Variants in NAALADL2 observed in about 807,000 individuals in gnomAD.
The protein encoded by NAALADL2 is inactive N-acetylated-alpha-linked acidic dipeptidase-like protein 2.
A neutral mutation model predicts 87.2 loss-of-function variants in NAALADL2; 76 were observed. The observed-to-expected ratio is 0.87, with a 90% CI of 0.72 to 1.05. The LOEUF is 1.05. Among genes scored for constraint, NAALADL2 ranks in the 50% least tolerant of loss-of-function variants. NAALADL2 has a pLI of 0.00. For synonymous variants in NAALADL2, 354 were observed against 331.0 expected (o/e 1.07, Z -0.75); for missense variants, 1,089 against 945.8 (o/e 1.15, Z -1.99).
intron 3 of NAALADL2, among the ~76,000 whole-genome samples, chr3:174,743,802 A>G (rs1394142863): frequency 2.0e-5 from 3 of 150,620 alleles, no homozygotes; most frequent in African/African-American, 7.3e-5. Flanking sequence ...AGTCTAAAGA[A>G]CATATTTTTT....
chr3:175,737,448 A>G, intron 12 of NAALADL2, 49 bp downstream of exon 12: 2 of 1,158,230 alleles, frequency 1.7e-6, no homozygotes, highest in Non-Finnish European at 2.6e-6. Flanking sequence ...AAATTGTTCA[A>G]CTAATTTTCA....
intron 9 of NAALADL2, among the ~76,000 whole-genome samples, chr3:175,504,620 T>A: frequency 8.2e-6 from 1 of 122,282 alleles, no homozygotes; most frequent in Non-Finnish European, 1.7e-5. Context: ...TCTCTCTCTC[T>A]CAGACACAGT....
At chr3:175,793,303 CTTTCT>C (rs1288510352) in intron 13 of NAALADL2, among the ~76,000 whole-genome samples, 65 of 126,260 alleles carry the variant, frequency 5.1e-4, no homozygotes, top group East Asian at 2.2e-4. Flanking sequence ...ACAGCATTTT[CTTTCT>C]TTTTTTTTTT....
intron 12 of NAALADL2, among the ~76,000 whole-genome samples, chr3:175,738,832 C>T (rs549253904): frequency 2.0e-5 from 3 of 152,134 alleles, no homozygotes; most frequent in Admixed American, 6.5e-5. Context: ...CTCTGGGCAA[C>T]CAAACATATG....
At chr3:174,987,355 G>A (rs1408605869) in intron 1 of NAALADL2, among the ~76,000 whole-genome samples, 1 of 151,288 alleles carries the variant, frequency 6.6e-6, no homozygotes, top group African/African-American at 2.4e-5. Flanking sequence ...GGATCACGAG[G>A]TCAGGAGATC....
chr3:174,543,136 A>T (rs1048139909), intron 1 of NAALADL2, among the ~76,000 whole-genome samples: 7 of 152,254 alleles, frequency 4.6e-5, no homozygotes, highest in South Asian at 4.1e-4. Flanking sequence ...AAGTTATTAG[A>T]TGTGAGAAGC....
chr3:174,470,019 A>C (rs961469316), intron 1 of NAALADL2, among the ~76,000 whole-genome samples: 4 of 152,152 alleles, frequency 2.6e-5, no homozygotes, highest in Admixed American at 6.5e-5. Flanking sequence ...TTAACACCGA[A>C]AAATTAAATT....
intron 5 of NAALADL2, among the ~76,000 whole-genome samples, chr3:175,383,959 C>T (rs888373841): frequency 6.6e-5 from 10 of 151,898 alleles, no homozygotes; most frequent in African/African-American, 2.2e-4. Context: ...AGATTTTTAC[C>T]GTGTGGTTCA....
At position 175,570,923 on chromosome 3, in the gene NAALADL2, T is replaced by C. The variant is rs144743297; in HGVS notation, c.1654-5118T>C. On this transcript the variant is annotated intron_variant, in intron 9 of 13. Transcript: ENST00000454872. ...AGTGACTTAATTTTATTATGGTGTA[T>C]TGAATATGGTATTTTTATTTTGAAT... is the stretch of plus-strand genomic sequence containing the variant. Among the ~76,000 whole-genome samples the C allele has an allele frequency of 3.2e-4, 49 of 151,842 alleles. 1 individual carries two copies. Among genetic ancestry groups the C allele is most frequent in the African/African-American group, 1.2e-3 (49 of 41,410 alleles).
intron 1 of NAALADL2, among the ~76,000 whole-genome samples, chr3:174,982,060 C>A (rs1258017610): frequency 6.6e-6 from 1 of 152,034 alleles, no homozygotes; most frequent in Non-Finnish European, 1.5e-5. Flanking sequence ...AAAATTTTGT[C>A]AATAGAAAGG....
At chr3:175,274,608 T>C (rs1581221445) in intron 4 of NAALADL2, among the ~76,000 whole-genome samples, 1 of 152,180 alleles carries the variant, frequency 6.6e-6, no homozygotes, top group East Asian at 1.9e-4. Flanking sequence ...TAGTGCTCAA[T>C]GGCTTGGGCT....
At chr3:175,270,185 A>G (rs1752607024) in intron 4 of NAALADL2, among the ~76,000 whole-genome samples, 1 of 152,130 alleles carries the variant, frequency 6.6e-6, no homozygotes, top group Non-Finnish European at 1.5e-5. Context: ...CATGCTTTCA[A>G]TTTGGACAAG....
chr3:174,812,939 A>G (rs1189283953), intron 3 of NAALADL2, among the ~76,000 whole-genome samples: 3 of 152,188 alleles, frequency 2.0e-5, no homozygotes, highest in African/African-American at 7.2e-5. Flanking sequence ...AAGACATTAA[A>G]AAGTTTATAA....
At chr3:174,648,708 T>A (rs1208039705) in intron 2 of NAALADL2, among the ~76,000 whole-genome samples, 2 of 152,206 alleles carry the variant, frequency 1.3e-5, no homozygotes, top group Non-Finnish European at 2.9e-5. Context: ...TATTTTTTAT[T>A]ACTTGATGCC....
At chr3:175,593,274 C>G (rs967246264) in intron 10 of NAALADL2, among the ~76,000 whole-genome samples, 8 of 152,064 alleles carry the variant, frequency 5.3e-5, no homozygotes, top group African/African-American at 1.9e-4. Context: ...CCTTTTAACA[C>G]AAGTATTTTC....
intron 1 of NAALADL2, among the ~76,000 whole-genome samples, chr3:175,039,255 C>T (rs1387949916): frequency 6.6e-6 from 1 of 152,170 alleles, no homozygotes; most frequent in Non-Finnish European, 1.5e-5. Flanking sequence ...CAACCTCTGC[C>T]TCCTGGGTTC....
chr3:174,857,081 A>C (rs1439535931), upstream of NAALADL2, among the ~76,000 whole-genome samples: 1 of 152,164 alleles, frequency 6.6e-6, no homozygotes, highest in Non-Finnish European at 1.5e-5. Context: ...AGAATTGTTA[A>C]GGGGTGTCTG....
Position 175,126,312 on chromosome 3 carries a change from T to A in NAALADL2, c.545+29021T>A, listed in dbSNP as rs552426808. ...TGATTGTGCAGACTATGGGCTTTAA[T>A]TTGATAGAGGTATAAGGGAAAAGGT... is the stretch of plus-strand genomic sequence containing the variant. On this transcript the variant is annotated intron_variant, in intron 2 of 13. Transcript: ENST00000454872. Among the ~76,000 whole-genome samples, 25 of 152,218 alleles carry A rather than the reference T, an allele frequency of 1.6e-4. No individual in the cohort carries two copies. In the South Asian group the frequency reaches 4.1e-3, roughly 25 times the overall value.
intron 1 of NAALADL2, among the ~76,000 whole-genome samples, chr3:174,455,062 C>T (rs1046701475): frequency 6.6e-6 from 1 of 151,834 alleles, no homozygotes; most frequent in African/African-American, 2.4e-5. Context: ...CTGCTGACCC[C>T]ACAGAAATAC....
Sources: gnomAD v4.1 joint callset for allele counts (sites outside exome capture counted in the v4.1 genomes callset) on GRCh38, gnomAD v4.1.1 for gene constraint, MANE v1.5 for transcripts, NCBI Gene and HGNC (gene_info 2026-07-23, HGNC 2026-07-21) for gene names.